Variants in B3GALT1 observed in about 807,000 individuals in gnomAD.
B3GALT1 encodes UDP-Gal:betaGlcNAc beta 1,3-galactosyltransferase, polypeptide 1.
A neutral mutation model predicts 23.2 loss-of-function variants in B3GALT1; 10 were observed. The observed-to-expected ratio is 0.43, with a 90% CI of 0.27 to 0.73. The LOEUF is 0.73. Among genes scored for constraint, B3GALT1 ranks in the 30% least tolerant of loss-of-function variants. The pLI, the probability that B3GALT1 is intolerant of heterozygous loss-of-function variation, is 0.21. For synonymous variants in B3GALT1, 156 were observed against 141.5 expected (o/e 1.10, Z -0.73); for missense variants, 299 against 405.4 (o/e 0.74, Z 2.25).
chr2:167,837,408 C>T (rs981197999), intron 4 of B3GALT1, among the ~76,000 whole-genome samples: 28 of 151,550 alleles, frequency 1.8e-4, no homozygotes, highest in African/African-American at 6.8e-4. Context: ...TTTAAACCAA[C>T]AAAGATCAAA....
chr2:167,498,360 A>AT (rs1016094413), intron 2 of B3GALT1, among the ~76,000 whole-genome samples: 8 of 152,212 alleles, frequency 5.3e-5, no homozygotes, highest in South Asian at 2.1e-4. Flanking sequence ...TCCTTATTGG[A>AT]TTTTTTTAAG....
At chr2:167,464,180 G>T (rs1699308960) in intron 1 of B3GALT1, among the ~76,000 whole-genome samples, 1 of 150,904 alleles carries the variant, frequency 6.6e-6, no homozygotes, top group South Asian at 2.1e-4. Flanking sequence ...TTTTAAAAAA[G>T]GATCTATTTT....
intron 3 of B3GALT1, among the ~76,000 whole-genome samples, chr2:167,647,345 G>A (rs1392568059): frequency 6.7e-6 from 1 of 149,848 alleles, no homozygotes; most frequent in African/African-American, 2.4e-5. Flanking sequence ...AAGCCCTGAG[G>A]GGTATACTTC....
intron 4 of B3GALT1, among the ~76,000 whole-genome samples, chr2:167,844,161 GA>G (rs2105404276): frequency 6.6e-6 from 1 of 152,230 alleles, no homozygotes; most frequent in Admixed American, 6.5e-5. Context: ...CTAAGTGGGG[GA>G]AAAGCACATG....
chr2:167,299,326 T>C lies in B3GALT1; in HGVS notation c.-511+5992T>C, dbSNP rs142824163. ...AGATACTACTAGACAAGAAGAATTA[T>C]ACTAAATGTTCACAAATGCACCATG... On this transcript the variant is annotated intron_variant, in intron 1 of 4. Coordinates refer to ENST00000392690, the MANE Select transcript of B3GALT1 (RefSeq NM_020981.4). Among the ~76,000 whole-genome samples, 660 of 152,290 alleles carry C rather than the reference T, an allele frequency of 4.3e-3. 6 individuals carry two copies. The highest frequency in any genetic ancestry group is 0.037 in the Middle Eastern group (11 of 294).
At chr2:167,397,105 T>C (rs957526861) in intron 1 of B3GALT1, among the ~76,000 whole-genome samples, 1 of 152,084 alleles carries the variant, frequency 6.6e-6, no homozygotes, top group African/African-American at 2.4e-5. Flanking sequence ...CAGTATGGCT[T>C]TCAGAGAAAG....
intron 2 of B3GALT1, among the ~76,000 whole-genome samples, chr2:167,602,622 A>G (rs1352831776): frequency 6.6e-6 from 1 of 152,204 alleles, no homozygotes; most frequent in Admixed American, 6.6e-5. Flanking sequence ...TTGATAAGCT[A>G]CTAGCCACAT....
At chr2:167,858,602 G>C (rs1209397000) in intron 4 of B3GALT1, among the ~76,000 whole-genome samples, 1 of 152,074 alleles carries the variant, frequency 6.6e-6, no homozygotes, top group Non-Finnish European at 1.5e-5. Flanking sequence ...TCATTTTATA[G>C]ATGAGGAAAC....
intron 1 of B3GALT1, among the ~76,000 whole-genome samples, chr2:167,313,360 T>C (rs1389636775): frequency 6.6e-6 from 1 of 152,144 alleles, no homozygotes; most frequent in Non-Finnish European, 1.5e-5. Context: ...CCAGTAGCCT[T>C]ACCTACAAAT....
intron 1 of B3GALT1, among the ~76,000 whole-genome samples, chr2:167,358,233 A>T (rs903019703): frequency 2.0e-5 from 3 of 152,176 alleles, no homozygotes; most frequent in African/African-American, 7.2e-5. Flanking sequence ...AAGTCCAGAA[A>T]CCCAAAGTCC....
intron 2 of B3GALT1, among the ~76,000 whole-genome samples, chr2:167,593,533 G>A (rs541113758): frequency 1.6e-4 from 25 of 152,302 alleles, no homozygotes; most frequent in African/African-American, 5.3e-4. Flanking sequence ...AATTTGGATA[G>A]CAGTCAAATG....
intron 1 of B3GALT1, among the ~76,000 whole-genome samples, chr2:167,478,003 C>T (rs1699510022): frequency 6.6e-6 from 1 of 151,942 alleles, no homozygotes. Context: ...CAAGTTGGCA[C>T]AAAACATTAA....
At chr2:167,503,342 G>A (rs1443842766) in intron 2 of B3GALT1, among the ~76,000 whole-genome samples, 1 of 152,076 alleles carries the variant, frequency 6.6e-6, no homozygotes, top group East Asian at 1.9e-4. Context: ...AGAGTGTCTG[G>A]CTACCACAAG....
intron 3 of B3GALT1, among the ~76,000 whole-genome samples, chr2:167,703,900 G>A (rs1275719741): frequency 6.6e-6 from 1 of 152,006 alleles, no homozygotes; most frequent in African/African-American, 2.4e-5. Context: ...GGTAACTCAG[G>A]GCCCGGCGCG....
rs1393216099 is a variant in B3GALT1, at chr2:167,818,745, C to T, written c.-278C>T. On this transcript the variant is annotated 5_prime_UTR_variant, in exon 4 of 5. Coordinates refer to ENST00000392690, the MANE Select transcript of B3GALT1 (RefSeq NM_020981.4). ...ACAGATGGAGACCATGCTTGATTTC[C>T]TGAACTTGTAGTAAGAAGAAGGAAA... is the stretch of plus-strand genomic sequence containing the variant. Among the ~76,000 whole-genome samples, 1 of 152,096 alleles carries T rather than the reference C, an allele frequency of 6.6e-6. No homozygotes were observed. The highest frequency in any genetic ancestry group is 1.9e-4 in the East Asian group (1 of 5,180).
intron 2 of B3GALT1, among the ~76,000 whole-genome samples, chr2:167,493,790 G>A (rs1283747403): frequency 6.6e-6 from 1 of 152,252 alleles, no homozygotes; most frequent in African/African-American, 2.4e-5. Flanking sequence ...TCAAACATTA[G>A]TATACAGAAG....
Position 167,869,167 on chromosome 2 carries a change from T to C in B3GALT1, c.128T>C (p.Val43Ala). The change falls in exon 5 of 5, where the codon GTT becomes GCT. Residue 43 changes from valine to alanine, a missense_variant. Transcript: ENST00000392690. The surrounding 1 kb of genome is among the most constrained non-coding windows in gnomAD (Gnocchi z 6.4). ...TGSKPFSHLTVARKNFTFGNI... is the reference protein window; with the variant it reads ...TGSKPFSHLTAARKNFTFGNI... ...TCCAAACCATTCAGCCACCTAACAG[T>C]TGCCAGGAAAAACTTCACCTTTGGC... The C allele has an allele frequency of 6.2e-7, 1 of 1,614,118 alleles. No individual in the cohort carries two copies. Among genetic ancestry groups the C allele is most frequent in the African/African-American group, 1.3e-5 (1 of 75,014 alleles).
Position 167,304,632 on chromosome 2 carries a change from AAGAG to A in B3GALT1, c.-511+11302_-511+11305del, listed in dbSNP as rs1028709929. ...ATGTGTATGTGAGCATACAGAGAAA[AAGAG>A]AGACAGAGAGAGGAGAGAGAGAGAG... On this transcript the variant is annotated intron_variant, in intron 1 of 4. Transcript: ENST00000392690. 5.3e-5 allele frequency among the ~76,000 whole-genome samples: 8 copies of A among 151,708 alleles called. No individual in the cohort carries two copies. In the East Asian group the frequency reaches 5.8e-4, roughly 11 times the overall value.
At chr2:167,374,146 A>G (rs1024798992) in intron 1 of B3GALT1, among the ~76,000 whole-genome samples, 5 of 152,190 alleles carry the variant, frequency 3.3e-5, no homozygotes, top group African/African-American at 9.6e-5. Flanking sequence ...TAATTTGCTT[A>G]GGATAATTGT....
Sources: allele counts gnomAD v4.1 joint callset (sites outside exome capture counted in the v4.1 genomes callset), GRCh38; gene constraint gnomAD v4.1.1; non-coding constraint Gnocchi (gnomAD v3.1); transcripts MANE v1.5; gene names NCBI Gene and HGNC (gene_info 2026-07-23, HGNC 2026-07-21).